STK32B: variants seen among roughly 807,000 people sequenced by gnomAD.
STK32B encodes serine/threonine kinase 32B, also known as serine/threonine-protein kinase 32B.
Under a neutral mutation model 52.6 loss-of-function variants are expected in STK32B, and 43 were observed. The ratio of observed to expected loss-of-function variants is 0.82; its 90% CI spans 0.64 to 1.05. The LOEUF (loss-of-function observed/expected upper bound fraction) is 1.05. STK32B is among the 50% of genes least tolerant of loss of function. The probability of loss-of-function intolerance (pLI) is 0.00; values close to 1 mark genes in which losing one functional copy is unlikely to be tolerated. For missense variants in STK32B, 621 were observed against 534.6 expected (o/e 1.16, Z -1.59); for synonymous variants, 238 against 204.3 (o/e 1.17, Z -1.41).
intron 3 of STK32B, among the ~76,000 whole-genome samples, chr4:5,297,514 TTTA>T (rs931688431): frequency 5.9e-5 from 9 of 152,138 alleles, no homozygotes; most frequent in Non-Finnish European, 1.3e-4. Context: ...CACGCTTTAT[TTTA>T]TTAAGTTGAT....
intron 2 of STK32B, among the ~76,000 whole-genome samples, chr4:5,144,784 T>TCATTCATTCATCCATCCATCCATC: frequency 1.0e-5 from 1 of 95,698 alleles, no homozygotes; most frequent in East Asian, 2.3e-4. Flanking sequence ...ACTCATTCAC[T>TCATTCATTCATCCATCCATCCATC]CATCCATCCA....
intron 1 of STK32B, among the ~76,000 whole-genome samples, chr4:5,100,788 CTTTA>C (rs1401577125): frequency 4.6e-3 from 8 of 1,740 alleles, no homozygotes; most frequent in East Asian, 0.015. Context: ...TTCTTCCTTC[CTTTA>C]TTCCTTCCCC....
intron 11 of STK32B, among the ~76,000 whole-genome samples, chr4:5,483,583 T>A (rs1718901668): frequency 6.6e-6 from 1 of 152,140 alleles, no homozygotes; most frequent in African/African-American, 2.4e-5. Flanking sequence ...GTGTCTCTAT[T>A]TCCTTCAGTT....
At chr4:5,411,787 A>C (rs190102103) in intron 5 of STK32B, among the ~76,000 whole-genome samples, 18 of 152,212 alleles carry the variant, frequency 1.2e-4, no homozygotes, top group Admixed American at 1.0e-3. Context: ...CCCTGATCTC[A>C]GACTACTGGA....
At chr4:5,310,708 G>T (rs1244551281) in intron 3 of STK32B, among the ~76,000 whole-genome samples, 1 of 152,056 alleles carries the variant, frequency 6.6e-6, no homozygotes, top group African/African-American at 2.4e-5. Context: ...CAAAGTAAAA[G>T]AAATCAATAT....
At chr4:5,393,238 T>C (rs952435865) in intron 4 of STK32B, among the ~76,000 whole-genome samples, 1 of 152,186 alleles carries the variant, frequency 6.6e-6, no homozygotes, top group African/African-American at 2.4e-5. Context: ...CCTACTGAAA[T>C]GTCTTTGCCC....
At chr4:5,218,602 G>A (rs1460343301) in intron 3 of STK32B, among the ~76,000 whole-genome samples, 1 of 152,200 alleles carries the variant, frequency 6.6e-6, no homozygotes, top group Non-Finnish European at 1.5e-5. Context: ...AGACATGCTG[G>A]CCTCCTCATT....
the STK32B span, among the ~76,000 whole-genome samples, chr4:5,034,332 C>T: frequency 6.6e-6 from 1 of 152,212 alleles, no homozygotes; most frequent in African/African-American, 2.4e-5. Context: ...CTCTCTCATA[C>T]GTGGGCGTCA....
intron 1 of STK32B, among the ~76,000 whole-genome samples, chr4:5,124,910 G>A (rs1436630614): frequency 1.3e-5 from 2 of 152,154 alleles, no homozygotes; most frequent in Admixed American, 1.3e-4. Context: ...CCATTACATT[G>A]TGAAGAGGAT....
chr4:5,448,294 G>A (rs1040040098), intron 7 of STK32B, among the ~76,000 whole-genome samples: 4 of 152,202 alleles, frequency 2.6e-5, no homozygotes, highest in South Asian at 2.1e-4. Flanking sequence ...GAGCTGCTGC[G>A]GGGCTGCATA....
chr4:5,338,976 G>C (rs935298874), intron 4 of STK32B, among the ~76,000 whole-genome samples: 1 of 152,182 alleles, frequency 6.6e-6, no homozygotes, highest in Non-Finnish European at 1.5e-5. Flanking sequence ...GCATGAAGCA[G>C]ATGGCCCTCC....
At chr4:5,127,026 C>CAG in intron 1 of STK32B, 1 of 468,722 alleles carries the variant, frequency 2.1e-6, no homozygotes, top group Non-Finnish European at 4.3e-6. Context: ...ACATAATGCT[C>CAG]AGAATGCTCA....
At chr4:5,233,015 G>T (rs1480469010) in intron 3 of STK32B, among the ~76,000 whole-genome samples, 2 of 152,174 alleles carry the variant, frequency 1.3e-5, no homozygotes, top group Admixed American at 1.3e-4. Flanking sequence ...AGGTAATGCT[G>T]TGCTACTTGT....
chr4:5,192,581 T>G (rs779027736), intron 3 of STK32B, among the ~76,000 whole-genome samples: 3 of 152,186 alleles, frequency 2.0e-5, no homozygotes, highest in Non-Finnish European at 4.4e-5. Context: ...TTTTTCCAGC[T>G]TTATTAAAGT....
intron 1 of STK32B, among the ~76,000 whole-genome samples, chr4:5,109,480 A>G (rs1257260987): frequency 2.0e-5 from 3 of 152,234 alleles, no homozygotes; most frequent in South Asian, 2.1e-4. Context: ...AATGATAGGC[A>G]TGTCCACATG....
intron 7 of STK32B, 76 bp from the exon 8 acceptor site, chr4:5,456,731 T>A: frequency 7.9e-7 from 1 of 1,266,546 alleles, no homozygotes; most frequent in Non-Finnish European, 1.1e-6. Flanking sequence ...TCCCTCATAA[T>A]CATACAATCT....
chr4:5,437,640 T>C (rs189007706), intron 6 of STK32B, among the ~76,000 whole-genome samples: 3 of 152,346 alleles, frequency 2.0e-5, no homozygotes, highest in Admixed American at 2.0e-4. Flanking sequence ...GGGGCAATGA[T>C]TCGGCCCACT....
intron 4 of STK32B, among the ~76,000 whole-genome samples, chr4:5,392,233 G>C (rs1253200409): frequency 2.0e-5 from 3 of 152,114 alleles, no homozygotes; most frequent in South Asian, 2.1e-4. Context: ...TCAGGAGTTT[G>C]AGACCAGCAT....
rs1472907103 is a variant in STK32B, at chr4:5,395,142, C to CCCA, written c.435-3062_435-3060dup. ...CTTCCTCCCAGGGACAGCTACATTC[C>CCCA]CCACCGTGTGGCTGGCTCCACACAG... On this transcript the variant is annotated intron_variant, in intron 4 of 11. Transcript: ENST00000282908. This position sits in a 1 kb window ranked among gnomAD's most constrained non-coding sequence, Gnocchi z 4.4. 1.3e-5 allele frequency among the ~76,000 whole-genome samples: 2 copies of CCCA among 152,132 alleles called. No individual in the cohort carries two copies. Among genetic ancestry groups the CCCA allele is most frequent in the African/African-American group, 4.8e-5 (2 of 41,430 alleles).
Sources: gnomAD v4.1 joint callset for allele counts (sites outside exome capture counted in the v4.1 genomes callset) on GRCh38, gnomAD v4.1.1 for gene constraint, Gnocchi (gnomAD v3.1) non-coding constraint, MANE v1.5 for transcripts, NCBI Gene and HGNC (gene_info 2026-07-23, HGNC 2026-07-21) for gene names.